The following HTR1F variants were observed in gnomAD, a reference collection of about 807,000 sequenced individuals.
The protein encoded by HTR1F is 5-hydroxytryptamine receptor 1F.
HTR1F carries 17 observed loss-of-function variants against 24.0 expected under a neutral mutation model. That is an observed-to-expected ratio of 0.71 (90% CI 0.48 to 1.06). The LOEUF (loss-of-function observed/expected upper bound fraction) is 1.06, where lower values mean the gene tolerates loss of function less well. HTR1F is among the 50% of genes least tolerant of loss of function. HTR1F has a pLI of 0.00. For missense variants in HTR1F, 391 were observed against 427.8 expected, an observed-to-expected ratio of 0.91 and a Z score of 0.76; for synonymous variants, 186 against 156.8, an observed-to-expected ratio of 1.19 and a Z score of -1.39.
chr3:87,948,691 G>A (rs1462176750), intron 2 of HTR1F, among the ~76,000 whole-genome samples: 2 of 152,072 alleles, frequency 1.3e-5, no homozygotes, highest in East Asian at 3.9e-4. Context: ...ATGTTGCCCA[G>A]GCTGGTCTCC....
chr3:87,832,136 C>T (rs1704591899), intron 2 of HTR1F, among the ~76,000 whole-genome samples: 1 of 151,996 alleles, frequency 6.6e-6, no homozygotes, highest in Admixed American at 6.6e-5. Context: ...AAAGAGAACT[C>T]GTATTGAGTA....
At chr3:87,905,646 T>G (rs1167806016) in intron 2 of HTR1F, among the ~76,000 whole-genome samples, 1 of 152,042 alleles carries the variant, frequency 6.6e-6, no homozygotes, top group Non-Finnish European at 1.5e-5. Flanking sequence ...TTATTACAAT[T>G]TGTCTATGTT....
Position 87,990,867 on chromosome 3 carries a change from A to G in HTR1F, c.118A>G (p.Ile40Val), listed in dbSNP as rs1170464425. 5.0e-6 allele frequency: 8 copies of G among 1,614,058 alleles called. No homozygotes were observed. The highest frequency in any genetic ancestry group is 5.9e-6 in the Non-Finnish European group (7 of 1,180,040). Residue 40 changes from isoleucine (I) to valine (V), a missense_variant, in exon 3 of 3, where the codon ATC (isoleucine) becomes GTC (valine). Physicochemically the swap from Ile to Val is conservative, Grantham distance 29. Transcript: ENST00000319595. ...TGGGCTGGCACTGATGACAACAACT[A>G]TCAACTCCCTTGTGATCGCTGCAAT... is the stretch of plus-strand genomic sequence containing the variant. Reference protein sequence around the residue: ...LSGLALMTTTINSLVIAAIIV... With the variant: ...LSGLALMTTTVNSLVIAAIIV...
At chr3:87,874,452 C>G (rs1289994341) in intron 2 of HTR1F, among the ~76,000 whole-genome samples, 1 of 151,998 alleles carries the variant, frequency 6.6e-6, no homozygotes, top group Non-Finnish European at 1.5e-5. Context: ...AAGACTTGTA[C>G]ATGGAAAACT....
rs140535661 is a variant in HTR1F, at chr3:87,963,674, C to A, written c.-42-27034C>A. ...AATCCATGATTTTATAGTTCAGAAC[C>A]AAGAAGCTCTGAGTTTATGATCCCT... On this transcript the variant is annotated intron_variant, in intron 2 of 2. Transcript: ENST00000319595. Among the ~76,000 whole-genome samples, 136 of 152,158 alleles carry A rather than the reference C, an allele frequency of 8.9e-4. 1 individual carries two copies. In the East Asian group the frequency reaches 0.023, roughly 25 times the overall value.
chr3:87,847,560 T>C (rs1333365764), intron 2 of HTR1F, among the ~76,000 whole-genome samples: 1 of 151,982 alleles, frequency 6.6e-6, no homozygotes, highest in South Asian at 2.1e-4. Flanking sequence ...TCCTCTCTTC[T>C]AGTTACTTTG....
At chr3:87,889,329 A>G (rs1559620139) in intron 2 of HTR1F, among the ~76,000 whole-genome samples, 1 of 152,158 alleles carries the variant, frequency 6.6e-6, no homozygotes. Flanking sequence ...TATTCATAAA[A>G]TTGTGAATGA....
chr3:87,803,502 T>G (rs754931366), intron 1 of HTR1F, among the ~76,000 whole-genome samples: 15 of 152,142 alleles, frequency 9.9e-5, no homozygotes, highest in Non-Finnish European at 1.8e-4. Context: ...CATACTACTG[T>G]GAAATTGTAA....
At chr3:87,919,900 G>A (rs1285448230) in intron 2 of HTR1F, among the ~76,000 whole-genome samples, 4 of 151,484 alleles carry the variant, frequency 2.6e-5, no homozygotes, top group Non-Finnish European at 4.4e-5. Context: ...GTCATTACAC[G>A]AAAAAAATAC....
At chr3:87,931,533 G>C (rs1156233788) in intron 2 of HTR1F, among the ~76,000 whole-genome samples, 1 of 152,148 alleles carries the variant, frequency 6.6e-6, no homozygotes, top group African/African-American at 2.4e-5. Context: ...CTTTATAGCA[G>C]CATGATTTAT....
chr3:87,927,213 C>A (rs371708876), intron 2 of HTR1F, among the ~76,000 whole-genome samples: 16 of 152,082 alleles, frequency 1.1e-4, no homozygotes, highest in African/African-American at 3.9e-4. Context: ...ACAATAAGTG[C>A]CTGAAAAATA....
At chr3:87,840,658 G>T (rs1704782805) in intron 2 of HTR1F, among the ~76,000 whole-genome samples, 1 of 150,030 alleles carries the variant, frequency 6.7e-6, no homozygotes, top group Admixed American at 6.6e-5. Context: ...CATATTTACT[G>T]CAGCATTATT....
chr3:87,804,507 G>A (rs1414987468), intron 1 of HTR1F, among the ~76,000 whole-genome samples: 1 of 152,072 alleles, frequency 6.6e-6, no homozygotes, highest in Non-Finnish European at 1.5e-5. Context: ...GTTTTGCTGA[G>A]TTGATAGCCA....
intron 2 of HTR1F, among the ~76,000 whole-genome samples, chr3:87,882,652 CA>C (rs1422103484): frequency 7.2e-6 from 1 of 139,034 alleles, no homozygotes; most frequent in East Asian, 2.1e-4. Context: ...GGGAATTGAA[CA>C]ATGAGAACAT....
intron 1 of HTR1F, chr3:87,793,622 A>T (rs1703853856): frequency 6.6e-6 from 1 of 152,066 alleles, no homozygotes; most frequent in African/African-American, 2.4e-5. Context: ...GAGCTCAGGG[A>T]TGAGTAGAAA....
intron 2 of HTR1F, among the ~76,000 whole-genome samples, chr3:87,882,098 C>A (rs981695344): frequency 6.6e-6 from 1 of 152,112 alleles, no homozygotes; most frequent in African/African-American, 2.4e-5. Context: ...AGCCAAAAGA[C>A]ACATGAAAAA....
At chr3:87,881,077 G>A (rs1423238803) in intron 2 of HTR1F, among the ~76,000 whole-genome samples, 1 of 152,184 alleles carries the variant, frequency 6.6e-6, no homozygotes, top group African/African-American at 2.4e-5. Context: ...GAGACTGGTT[G>A]GACATAGTGG....
intron 2 of HTR1F, among the ~76,000 whole-genome samples, chr3:87,922,657 T>A (rs938686969): frequency 9.2e-5 from 14 of 152,202 alleles, no homozygotes; most frequent in African/African-American, 3.4e-4. Flanking sequence ...CAGTTTTGGG[T>A]CTTACATGTA....
chr3:87,966,102 G>A (rs1705157054), intron 2 of HTR1F, among the ~76,000 whole-genome samples: 1 of 152,148 alleles, frequency 6.6e-6, no homozygotes, highest in Non-Finnish European at 1.5e-5. Context: ...AGGCTGGGAA[G>A]TCCAAGAGCA....
Sources: allele counts gnomAD v4.1 joint callset (sites outside exome capture counted in the v4.1 genomes callset), GRCh38; gene constraint gnomAD v4.1.1; transcripts MANE v1.5; gene names NCBI Gene and HGNC (gene_info 2026-07-23, HGNC 2026-07-21).